Variants in KIAA1958 observed in about 807,000 individuals in gnomAD.
The protein encoded by KIAA1958 is uncharacterized protein KIAA1958.
A neutral mutation model predicts 47.2 loss-of-function variants in KIAA1958; 14 were observed. That is an observed-to-expected ratio of 0.30 (90% CI 0.20 to 0.46). KIAA1958 has a LOEUF of 0.46. KIAA1958 is among the 20% of genes least tolerant of loss of function. KIAA1958 has a pLI of 1.00. For missense variants in KIAA1958, 803 were observed against 909.2 expected, an observed-to-expected ratio of 0.88 and a Z score of 1.50; for synonymous variants, 354 against 353.3, an observed-to-expected ratio of 1.00 and a Z score of -0.02.
At chr9:112,589,113 G>A (rs1300851977) in intron 2 of KIAA1958, among the ~76,000 whole-genome samples, 2 of 152,148 alleles carry the variant, frequency 1.3e-5, no homozygotes, top group Admixed American at 6.5e-5. Context: ...CGCAATGCTT[G>A]TTCCTTTTGC....
chr9:112,581,962 T>A, intron 2 of KIAA1958: 1 of 251,538 alleles, frequency 4.0e-6, no homozygotes, highest in Admixed American at 3.7e-5. Flanking sequence ...TTGCCACCTT[T>A]CCCCACTGTC....
chr9:112,523,819 A>G (rs1834594832), intron 1 of KIAA1958, among the ~76,000 whole-genome samples: 2 of 152,360 alleles, frequency 1.3e-5, no homozygotes, highest in South Asian at 4.1e-4. Flanking sequence ...GTGATGAAGC[A>G]CAATTGCAGA....
Position 112,519,756 on chromosome 9 carries a change from T to C in KIAA1958, c.-25+32638T>C, listed in dbSNP as rs16917040. Among the ~76,000 whole-genome samples the C allele has an allele frequency of 4.9e-3, 753 of 152,336 alleles. 39 individuals carry two copies. The East Asian group carries it at 0.12, about 25-fold the overall frequency. On this transcript the variant is annotated intron_variant, in intron 1 of 3. Coordinates refer to ENST00000337530, the MANE Select transcript of KIAA1958 (RefSeq NM_133465.4). ...TGCTGCAAATCATAACAGTGAGAAATGCTGATGTACCTTTTGGAGTTCAAA... is the reference window on the plus strand; with the variant it reads ...TGCTGCAAATCATAACAGTGAGAAACGCTGATGTACCTTTTGGAGTTCAAA...
rs1013619863 is a variant in KIAA1958 at position 112,662,349 on chromosome 9, C to T, written c.*2280C>T. Reference sequence around the variant, plus strand: ...ACAAGAGTGAGGAAGAAAACACAGTCATCAAGTGCCAGCGTGTGCCACCCA... The same window carrying T: ...ACAAGAGTGAGGAAGAAAACACAGTTATCAAGTGCCAGCGTGTGCCACCCA... On this transcript the variant is annotated 3_prime_UTR_variant, in exon 4 of 4. Coordinates refer to ENST00000337530, the MANE Select transcript of KIAA1958 (RefSeq NM_133465.4). 2.6e-5 allele frequency: 4 copies of T among 152,238 alleles called. No homozygotes were observed. Among genetic ancestry groups the T allele is most frequent in the Non-Finnish European group, 5.9e-5 (4 of 68,042 alleles). 9.4% of individuals were successfully genotyped at this position (152,238 alleles called of 1,614,324 possible). A position where few individuals can be genotyped will look rare whatever the true frequency, so the allele number is the denominator to read the frequency against.
Position 112,557,994 on chromosome 9 carries a change from AGGC to A in KIAA1958, c.-24-16060_-24-16058del, listed in dbSNP as rs1480108168. Among the ~76,000 whole-genome samples, 4 of 152,298 alleles carry A rather than the reference AGGC, an allele frequency of 2.6e-5. No homozygotes were observed. In the East Asian group the frequency reaches 7.7e-4, roughly 29 times the overall value. On this transcript the variant is annotated intron_variant, in intron 1 of 3. Transcript: ENST00000337530. ...GTAATCCCAGCACTTTGGGAGGCCGAGGCGGGTGGATCACGAGGTCAGGAGATC... is the reference window on the plus strand; with the variant it reads ...GTAATCCCAGCACTTTGGGAGGCCGAGGGTGGATCACGAGGTCAGGAGATC...
In KIAA1958 at chr9:112,552,364, T is replaced by C. The variant is rs546669125; in HGVS notation, c.-24-21693T>C. Among the ~76,000 whole-genome samples, 160 of 152,350 alleles carry C rather than the reference T, an allele frequency of 1.1e-3. 1 individual carries two copies. The highest frequency in any genetic ancestry group is 3.5e-3 in the African/African-American group (144 of 41,574). ...TGGTTTTAAACCTTTACCATTCTTA[T>C]TTCTAATGCTCAGTCAGCTTACACC... On this transcript the variant is annotated intron_variant, in intron 1 of 3. Transcript: ENST00000337530.
At position 112,660,857 on chromosome 9, in the gene KIAA1958, A is replaced by G. The variant is rs1837266093; in HGVS notation, c.*788A>G. 6.6e-6 allele frequency: 1 copy of G among 152,210 alleles called. No individual in the cohort carries two copies. 9.4% of individuals were successfully genotyped at this position (152,210 alleles called of 1,614,324 possible). A position where few individuals can be genotyped will look rare whatever the true frequency, so the allele number is the denominator to read the frequency against. ...TTGGAAAAGCCAATCTGTGATCAAA[A>G]TGTGAAAACCTCCTGAAGCAGAAGT... On this transcript the variant is annotated 3_prime_UTR_variant, in exon 4 of 4. Transcript: ENST00000337530.
At chr9:112,584,172 C>T (rs529967721) in intron 2 of KIAA1958, among the ~76,000 whole-genome samples, 3 of 152,280 alleles carry the variant, frequency 2.0e-5, no homozygotes, top group Non-Finnish European at 4.4e-5. Context: ...GGATTCATAT[C>T]CCAGCCCTGC....
chr9:112,582,443 CAG>C (rs1489328347), intron 2 of KIAA1958: 1 of 153,226 alleles, frequency 6.5e-6, no homozygotes, highest in Non-Finnish European at 1.5e-5. Context: ...CAAGAGAAAG[CAG>C]AGAGAGTGGA....
intron 1 of KIAA1958, among the ~76,000 whole-genome samples, chr9:112,528,063 T>G (rs1213820698): frequency 6.6e-6 from 1 of 152,198 alleles, no homozygotes; most frequent in African/African-American, 2.4e-5. Flanking sequence ...CACTGTTTGA[T>G]TAATAATTCA....
intron 2 of KIAA1958, among the ~76,000 whole-genome samples, chr9:112,611,823 A>G (rs1341450802): frequency 2.6e-5 from 4 of 152,054 alleles, no homozygotes; most frequent in African/African-American, 9.7e-5. Context: ...AGGCTTGTCA[A>G]TTATTAAGAC....
At chr9:112,524,571 G>C (rs987942711) in intron 1 of KIAA1958, among the ~76,000 whole-genome samples, 1 of 152,140 alleles carries the variant, frequency 6.6e-6, no homozygotes. Flanking sequence ...TTTCTTTTAT[G>C]ATGCTCTAGA....
intron 2 of KIAA1958, among the ~76,000 whole-genome samples, chr9:112,626,467 A>G (rs377384276): frequency 1.4e-4 from 21 of 152,246 alleles, no homozygotes; most frequent in Admixed American, 8.5e-4. Context: ...CCATTTATAC[A>G]TTCATTTCAA....
chr9:112,513,596 T>TGCCGCGACCG (rs1564154729), intron 1 of KIAA1958, among the ~76,000 whole-genome samples: 2 of 131,164 alleles, frequency 1.5e-5, no homozygotes, highest in African/African-American at 5.7e-5. Flanking sequence ...GCGGAGCCGC[T>TGCCGCGACCG]GCCGCGACCG....
chr9:112,643,096 T>A (rs1226372569), intron 2 of KIAA1958, among the ~76,000 whole-genome samples: 2 of 152,236 alleles, frequency 1.3e-5, no homozygotes, highest in Non-Finnish European at 2.9e-5. Context: ...TGAAGGTTCA[T>A]CTGAGTACAT....
In KIAA1958 at chr9:112,618,473, T is replaced by C; in HGVS notation, c.1172-27177T>C. ...GTGGATGGGTCAGGACACTGGAGAC[T>C]TGAATGCCAAAACCAAGAGAGGGGG... On this transcript the variant is annotated intron_variant, in intron 2 of 3. Coordinates refer to ENST00000337530, the MANE Select transcript of KIAA1958 (RefSeq NM_133465.4). The surrounding 1 kb of genome is among the most constrained non-coding windows in gnomAD (Gnocchi z 7.1). 1 of 1,550,888 alleles carries C rather than the reference T, an allele frequency of 6.4e-7. No homozygotes were observed. The highest frequency in any genetic ancestry group is 8.7e-7 in the Non-Finnish European group (1 of 1,147,076).
chr9:112,568,188 T>A (rs1371925471), intron 1 of KIAA1958, among the ~76,000 whole-genome samples: 1 of 152,108 alleles, frequency 6.6e-6, no homozygotes, highest in Admixed American at 6.6e-5. Context: ...GTATAACAGT[T>A]ATGAGCAGAT....
chr9:112,550,173 T>C (rs1835117609), intron 1 of KIAA1958, among the ~76,000 whole-genome samples: 1 of 151,658 alleles, frequency 6.6e-6, no homozygotes, highest in South Asian at 2.1e-4. Flanking sequence ...TTTGGCTGTT[T>C]GGAGCCTTTG....
chr9:112,583,741 C>T (rs1835773521), intron 2 of KIAA1958, among the ~76,000 whole-genome samples: 2 of 152,106 alleles, frequency 1.3e-5, no homozygotes, highest in African/African-American at 2.4e-5. Context: ...ATGAACATTA[C>T]GATGTAGTGT....
Sources: allele counts gnomAD v4.1 joint callset (sites outside exome capture counted in the v4.1 genomes callset), GRCh38; gene constraint gnomAD v4.1.1; non-coding constraint Gnocchi (gnomAD v3.1); transcripts MANE v1.5; gene names NCBI Gene and HGNC (gene_info 2026-07-23, HGNC 2026-07-21).